TRAPPC9: variants seen among roughly 807,000 people sequenced by gnomAD.
TRAPPC9 encodes trafficking protein particle complex subunit 9.
A neutral mutation model predicts 124.0 loss-of-function variants in TRAPPC9; 83 were observed. That is an observed-to-expected ratio of 0.67 (90% CI 0.56 to 0.80). The LOEUF (loss-of-function observed/expected upper bound fraction) is 0.80, where lower values mean the gene tolerates loss of function less well. TRAPPC9 is among the 30% of genes least tolerant of loss of function. The probability of loss-of-function intolerance (pLI) is 0.00; values close to 1 mark genes in which losing one functional copy is unlikely to be tolerated. For synonymous variants in TRAPPC9, 638 were observed against 617.5 expected, an observed-to-expected ratio of 1.03 and a Z score of -0.49; for missense variants, 1,302 against 1,508.3, an observed-to-expected ratio of 0.86 and a Z score of 2.27.
At chr8:140,092,157 C>T (rs537848242) in intron 17 of TRAPPC9, among the ~76,000 whole-genome samples, 1 of 149,478 alleles carries the variant, frequency 6.7e-6, no homozygotes, top group African/African-American at 2.5e-5. Flanking sequence ...TAATAAAAGA[C>T]ATTATTTAAT....
chr8:140,006,817 G>A (rs1838789592), intron 18 of TRAPPC9, among the ~76,000 whole-genome samples: 2 of 152,280 alleles, frequency 1.3e-5, no homozygotes, highest in East Asian at 1.9e-4. Context: ...GGTTGCCTAG[G>A]GTGCGGGAGG....
intron 9 of TRAPPC9, among the ~76,000 whole-genome samples, chr8:140,333,395 T>TTTG (rs200163813): frequency 6.6e-6 from 1 of 152,104 alleles, no homozygotes; most frequent in African/African-American, 2.4e-5. Flanking sequence ...TTTTGTTTTG[T>TTTG]TTGTTGTTGT....
chr8:140,330,880 A>C (rs1430043909), intron 9 of TRAPPC9, among the ~76,000 whole-genome samples: 1 of 152,160 alleles, frequency 6.6e-6, no homozygotes, highest in African/African-American at 2.4e-5. Context: ...CTGCCCCAAA[A>C]TGAAAAAATG....
chr8:140,280,133 C>T (rs992221423), intron 14 of TRAPPC9, among the ~76,000 whole-genome samples: 1 of 152,228 alleles, frequency 6.6e-6, no homozygotes, highest in Non-Finnish European at 1.5e-5. Context: ...GCCTAGCGCC[C>T]ACTGGGTGCC....
chr8:140,284,112 C>T, intron 13 of TRAPPC9, 91 bp from the exon 14 acceptor site: 1 of 1,566,196 alleles, frequency 6.4e-7, no homozygotes, highest in Admixed American at 1.7e-5. Flanking sequence ...CGGGGCTCCT[C>T]TTCAGAAGAC....
chr8:140,349,158 T>C (rs920975599), intron 9 of TRAPPC9, among the ~76,000 whole-genome samples: 1 of 25,608 alleles, frequency 3.9e-5, no homozygotes, highest in Non-Finnish European at 7.2e-5. Context: ...CGGGGGCCGA[T>C]GGGGGCGCAC....
Position 140,275,761 on chromosome 8 carries a change from C to T in TRAPPC9, c.2175G>A (p.Gln725=). The T allele has an allele frequency of 3.7e-6, 6 of 1,613,542 alleles. No homozygotes were observed. Among genetic ancestry groups the T allele is most frequent in the Non-Finnish European group, 5.1e-6 (6 of 1,179,494 alleles). ...GDEISTNVSV[Q]LYNGESQQLI... Reference sequence around the variant, plus strand: ...GTTGCTGACTTTCTCCATTGTAAAGCTGGACAGATACATTAGTAGATATTT... The same window carrying T: ...GTTGCTGACTTTCTCCATTGTAAAGTTGGACAGATACATTAGTAGATATTT... The change falls in exon 15 of 23, where the codon CAG becomes CAA. Residue 725 remains glutamine, a synonymous_variant. Transcript: ENST00000438773.
intron 14 of TRAPPC9, among the ~76,000 whole-genome samples, chr8:140,276,093 T>C (rs2131654584): frequency 6.6e-6 from 1 of 152,348 alleles, no homozygotes; most frequent in South Asian, 2.1e-4. Context: ...CTCAGGCATA[T>C]GTGAAGCATA....
intron 17 of TRAPPC9, among the ~76,000 whole-genome samples, chr8:140,197,673 T>C (rs1435542527): frequency 6.6e-6 from 1 of 152,170 alleles, no homozygotes; most frequent in Non-Finnish European, 1.5e-5. Context: ...CCCTTAGGGA[T>C]ATTTCATTTA....
chr8:139,926,081 G>A (rs2131361176), intron 19 of TRAPPC9, among the ~76,000 whole-genome samples: 1 of 152,344 alleles, frequency 6.6e-6, no homozygotes, highest in South Asian at 2.1e-4. Context: ...AAATTGCCCA[G>A]AAGGCAAGTA....
chr8:139,857,261 A>G (rs1028067100), intron 21 of TRAPPC9, among the ~76,000 whole-genome samples: 2 of 152,228 alleles, frequency 1.3e-5, no homozygotes, highest in Non-Finnish European at 2.9e-5. Context: ...CGCAGGACAC[A>G]CGCAGGAGTC....
chr8:139,947,916 A>C (rs996260403), intron 19 of TRAPPC9, among the ~76,000 whole-genome samples: 24 of 39,944 alleles, frequency 6.0e-4, no homozygotes, highest in African/African-American at 2.3e-3. Flanking sequence ...ATAGAGAGAG[A>C]GAGAGAGCGA....
chr8:140,114,668 A>G (rs1183022567), intron 17 of TRAPPC9, among the ~76,000 whole-genome samples: 1 of 152,122 alleles, frequency 6.6e-6, no homozygotes, highest in Admixed American at 6.5e-5. Flanking sequence ...AAGAAGGAGG[A>G]AAGAGGTGAA....
chr8:139,929,586 C>T (rs149768796), intron 19 of TRAPPC9, among the ~76,000 whole-genome samples: 2 of 152,258 alleles, frequency 1.3e-5, no homozygotes, highest in Non-Finnish European at 2.9e-5. Context: ...GGTTTTCTCT[C>T]CACACAGAGT....
chr8:139,910,708 G>A (rs1831667382), intron 19 of TRAPPC9, among the ~76,000 whole-genome samples: 1 of 152,208 alleles, frequency 6.6e-6, no homozygotes, highest in African/African-American at 2.4e-5. Flanking sequence ...GGAACTGCCT[G>A]TTTATCCTCT....
At chr8:140,155,099 G>A (rs1186007659) in intron 17 of TRAPPC9, among the ~76,000 whole-genome samples, 1 of 152,218 alleles carries the variant, frequency 6.6e-6, no homozygotes. Flanking sequence ...ACTGGAAGGC[G>A]TATTCAAGGG....
chr8:139,752,230 C>A (rs1181312187), intron 21 of TRAPPC9, among the ~76,000 whole-genome samples: 1 of 150,840 alleles, frequency 6.6e-6, no homozygotes. Context: ...CATCCAACAT[C>A]TACCCATCCA....
intron 20 of TRAPPC9, among the ~76,000 whole-genome samples, chr8:139,906,098 C>T (rs1398771038): frequency 1.3e-5 from 2 of 151,530 alleles, no homozygotes; most frequent in East Asian, 3.9e-4. Flanking sequence ...CCTCAAAAAA[C>T]AAAAAACAAC....
intron 15 of TRAPPC9, among the ~76,000 whole-genome samples, chr8:140,274,879 T>TA (rs2131643513): frequency 6.6e-6 from 1 of 152,304 alleles, no homozygotes; most frequent in East Asian, 1.9e-4. Context: ...ATCTCACCCA[T>TA]ACGTCAAAAG....
Sources: allele counts gnomAD v4.1 joint callset (sites outside exome capture counted in the v4.1 genomes callset), GRCh38; gene constraint gnomAD v4.1.1; transcripts MANE v1.5; gene names NCBI Gene and HGNC (gene_info 2026-07-23, HGNC 2026-07-21).